Variants in RGS17 observed in about 807,000 individuals in gnomAD.
RGS17 encodes regulator of G-protein signaling 17.
A neutral mutation model predicts 25.5 loss-of-function variants in RGS17; 12 were observed. The ratio of observed to expected loss-of-function variants is 0.47; its 90% confidence interval spans 0.30 to 0.76. The LOEUF is 0.76. Ranked by LOEUF, RGS17 falls within the 30% of genes least tolerant of loss-of-function variation. The probability of loss-of-function intolerance (pLI) is 0.07; values close to 1 mark genes in which losing one functional copy is unlikely to be tolerated. For missense variants in RGS17, 196 were observed against 242.2 expected (o/e 0.81, Z 1.27); for synonymous variants, 71 against 76.9 (o/e 0.92, Z 0.40).
At chr6:153,109,381 TCTTA>T (rs1777433624) in intron 1 of RGS17, among the ~76,000 whole-genome samples, 1 of 152,218 alleles carries the variant, frequency 6.6e-6, no homozygotes, top group Non-Finnish European at 1.5e-5. Flanking sequence ...AAGAGTATCT[TCTTA>T]CTTGGTCAAT....
chr6:153,038,487 A>T (rs2129109388), intron 2 of RGS17, among the ~76,000 whole-genome samples: 1 of 152,348 alleles, frequency 6.6e-6, no homozygotes, highest in East Asian at 1.9e-4. Flanking sequence ...AGTGATATGT[A>T]TGATGGTCTG....
intron 1 of RGS17, among the ~76,000 whole-genome samples, chr6:153,116,688 T>C (rs1490820017): frequency 6.6e-6 from 1 of 152,092 alleles, no homozygotes; most frequent in Non-Finnish European, 1.5e-5. Flanking sequence ...GGCCCATGAA[T>C]GACAGACTGG....
At chr6:153,082,666 G>T (rs1777001534) in intron 1 of RGS17, among the ~76,000 whole-genome samples, 2 of 151,812 alleles carry the variant, frequency 1.3e-5, no homozygotes, top group African/African-American at 4.8e-5. Context: ...TTAAAATTCT[G>T]TTTCTCTTGG....
intron 1 of RGS17, among the ~76,000 whole-genome samples, chr6:153,110,542 G>A (rs1777454815): frequency 6.6e-6 from 1 of 151,990 alleles, no homozygotes; most frequent in Non-Finnish European, 1.5e-5. Flanking sequence ...AAAGAACCCT[G>A]CGACATTATT....
intron 1 of RGS17, among the ~76,000 whole-genome samples, chr6:153,124,259 C>T (rs1164522672): frequency 3.3e-5 from 5 of 152,222 alleles, no homozygotes; most frequent in Admixed American, 3.3e-4. Context: ...TGGAAAGGGG[C>T]CACGTTTAAT....
intron 1 of RGS17, among the ~76,000 whole-genome samples, chr6:153,049,826 TAAC>T (rs997372008): frequency 3.1e-4 from 47 of 152,228 alleles, no homozygotes; most frequent in Non-Finnish European, 1.8e-4. Context: ...TCATGGAACT[TAAC>T]AAATGAATTC....
intron 1 of RGS17, among the ~76,000 whole-genome samples, chr6:153,124,943 C>T (rs576118371): frequency 2.0e-5 from 3 of 152,256 alleles, no homozygotes; most frequent in Admixed American, 6.5e-5. Flanking sequence ...ATCATAAATA[C>T]ACCAAAATAA....
intron 1 of RGS17, among the ~76,000 whole-genome samples, chr6:153,075,160 T>G (rs1055924862): frequency 6.6e-6 from 1 of 152,182 alleles, no homozygotes; most frequent in Admixed American, 6.5e-5. Flanking sequence ...TTAAGTAAAC[T>G]GAAACTTTTG....
chr6:153,086,574 C>T (rs639475), intron 1 of RGS17, among the ~76,000 whole-genome samples: 85,519 of 152,014 alleles, frequency 0.56, 24,240 homozygotes, highest in South Asian at 0.63. Context: ...GCTTACACAC[C>T]ATTATTACTA....
intron 4 of RGS17, among the ~76,000 whole-genome samples, chr6:153,021,206 A>G (rs774377705): frequency 7.2e-5 from 11 of 152,206 alleles, no homozygotes; most frequent in Non-Finnish European, 1.3e-4. Context: ...GGATGTAGCA[A>G]AGGCAGGATT....
At chr6:153,032,269 G>A (rs1158577661) in intron 2 of RGS17, among the ~76,000 whole-genome samples, 2 of 152,120 alleles carry the variant, frequency 1.3e-5, no homozygotes, top group Admixed American at 6.5e-5. Flanking sequence ...AGTGGGGTGT[G>A]TGGGGATGGG....
chr6:153,109,334 C>G (rs1329467790), intron 1 of RGS17, among the ~76,000 whole-genome samples: 1 of 152,178 alleles, frequency 6.6e-6, no homozygotes, highest in African/African-American at 2.4e-5. Context: ...GTTTATGAGG[C>G]AATTATTTTT....
chr6:153,066,245 A>G (rs1200196346), intron 1 of RGS17, among the ~76,000 whole-genome samples: 1 of 152,156 alleles, frequency 6.6e-6, no homozygotes, highest in Non-Finnish European at 1.5e-5. Context: ...ATCCAAAATC[A>G]GAACAGATGA....
At chr6:153,073,183 G>T (rs1776831239) in intron 1 of RGS17, among the ~76,000 whole-genome samples, 1 of 152,180 alleles carries the variant, frequency 6.6e-6, no homozygotes, top group Non-Finnish European at 1.5e-5. Flanking sequence ...CAGTGTAAAT[G>T]TTATTTCACT....
intron 1 of RGS17, among the ~76,000 whole-genome samples, chr6:153,123,159 T>TA (rs1421516517): frequency 6.6e-6 from 1 of 151,160 alleles, no homozygotes; most frequent in Non-Finnish European, 1.5e-5. Context: ...CTTAGTGCCC[T>TA]AATAAAAGAC....
rs996864700 is a variant in RGS17 at position 153,007,773 on chromosome 6, T to G, written c.*3801A>C. On this transcript the variant is annotated 3_prime_UTR_variant, in exon 5 of 5. Coordinates refer to ENST00000206262, the MANE Select transcript of RGS17 (RefSeq NM_012419.5). ...TGCCCGGCTAATTTTGTATTTTTAC[T>G]AGAGTCGGGGTTTCACCATGTTGGC... 2 of 152,140 alleles carry G rather than the reference T, an allele frequency of 1.3e-5. No individual in the cohort carries two copies. Among genetic ancestry groups the G allele is most frequent in the African/African-American group, 4.8e-5 (2 of 41,424 alleles). The allele number at this position is 152,140 out of a possible 1,614,324, so 9.4% of individuals were successfully genotyped here.
In RGS17 at chr6:153,088,837, A is replaced by G. The variant is rs560179522; in HGVS notation, c.-26+42287T>C. Among the ~76,000 whole-genome samples, 17 of 152,300 alleles carry G rather than the reference A, an allele frequency of 1.1e-4. 1 individual carries two copies. The South Asian group carries it at 3.1e-3, about 28-fold the overall frequency. On this transcript the variant is annotated intron_variant, in intron 1 of 4. Coordinates refer to ENST00000206262, the MANE Select transcript of RGS17 (RefSeq NM_012419.5). ...AGTTTATCCATTCATATTTCAGATT[A>G]GACCTCCCTGAGATAGTACCATGTA...
chr6:153,086,553 C>A (rs1417553307), intron 1 of RGS17, among the ~76,000 whole-genome samples: 1 of 152,166 alleles, frequency 6.6e-6, no homozygotes, highest in Non-Finnish European at 1.5e-5. Flanking sequence ...TATCTTCTTT[C>A]GATTCCATGT....
intron 1 of RGS17, among the ~76,000 whole-genome samples, chr6:153,098,426 G>A (rs558064367): frequency 2.6e-5 from 4 of 152,198 alleles, no homozygotes; most frequent in South Asian, 4.2e-4. Context: ...TCTTAAAACC[G>A]AATATGCATT....
Sources: allele counts gnomAD v4.1 joint callset (sites outside exome capture counted in the v4.1 genomes callset), GRCh38; gene constraint gnomAD v4.1.1; transcripts MANE v1.5; gene names NCBI Gene and HGNC (gene_info 2026-07-23, HGNC 2026-07-21).